Variants in TRIM37 observed in about 807,000 individuals in gnomAD.
TRIM37 encodes the protein E3 ubiquitin-protein ligase TRIM37.
In TRIM37, 80 loss-of-function variants were observed where a neutral mutation model predicts 129.8. The observed-to-expected ratio is 0.62, with a 90% confidence interval of 0.51 to 0.74. TRIM37 has a LOEUF of 0.74. Among genes scored for constraint, TRIM37 ranks in the 30% least tolerant of loss-of-function variants. The pLI, the probability that TRIM37 is intolerant of heterozygous loss-of-function variation, is 0.00. For missense variants in TRIM37, 1,054 were observed against 1,176.5 expected (o/e 0.90, Z 1.52); for synonymous variants, 389 against 387.1 (o/e 1.00, Z -0.06).
rs568847389 is a variant in TRIM37 at position 59,029,300 on chromosome 17, A to G, written c.1949-577T>C. 4.6e-5 allele frequency among the ~76,000 whole-genome samples: 7 copies of G among 152,320 alleles called. No individual in the cohort carries two copies. The South Asian group carries it at 1.2e-3, about 27-fold the overall frequency. ...TTTTTTATTAGAACTTCCATTTCTGATAATTTTCTCAGAACTGTCAGCTTT... is the reference window on the plus strand; with the variant it reads ...TTTTTTATTAGAACTTCCATTTCTGGTAATTTTCTCAGAACTGTCAGCTTT... On this transcript the variant is annotated intron_variant, in intron 18 of 23. Transcript: ENST00000262294.
rs966982221 is a variant in TRIM37 at position 59,106,628 on chromosome 17, C to G, written c.-167G>C. On this transcript the variant is annotated 5_prime_UTR_variant, in exon 1 of 24. Transcript: ENST00000262294. Reference sequence around the variant, plus strand: ...GCGCGCCCCATCTCTTCAGGTCCAGCGCCGCCTACCCCCATTTCGCCATTT... The same window carrying G: ...GCGCGCCCCATCTCTTCAGGTCCAGGGCCGCCTACCCCCATTTCGCCATTT... The G allele has an allele frequency of 1.7e-5, 13 of 764,780 alleles. No individual in the cohort carries two copies. The highest frequency in any genetic ancestry group is 2.2e-5 in the Non-Finnish European group (10 of 460,268). 47.4% of individuals were successfully genotyped at this position (764,780 alleles called of 1,614,324 possible). A position where few individuals can be genotyped will look rare whatever the true frequency, so the allele number is the denominator to read the frequency against.
At chr17:59,072,420 G>A (rs2042448521) in intron 8 of TRIM37, among the ~76,000 whole-genome samples, 1 of 151,980 alleles carries the variant, frequency 6.6e-6, no homozygotes, top group African/African-American at 2.4e-5. Context: ...AGTTGCTTAA[G>A]GCTCACCAAA....
At chr17:59,058,706 A>C (rs1258808211) in intron 12 of TRIM37, among the ~76,000 whole-genome samples, 1 of 151,994 alleles carries the variant, frequency 6.6e-6, no homozygotes, top group African/African-American at 2.4e-5. Context: ...AAAACAAAAA[A>C]CAAAAAAATT....
chr17:59,104,600 A>G (rs1233864287), intron 1 of TRIM37: 1 of 704,970 alleles, frequency 1.4e-6, no homozygotes, highest in Admixed American at 2.0e-5. Flanking sequence ...CGATGATTCT[A>G]TTCTAAGGAA....
chr17:59,097,242 T>C (rs1464778234), intron 2 of TRIM37, among the ~76,000 whole-genome samples: 3 of 152,150 alleles, frequency 2.0e-5, no homozygotes, highest in Non-Finnish European at 4.4e-5. Context: ...GGATGCCAGC[T>C]TTTACCATTT....
chr17:59,105,083 T>G, intron 1 of TRIM37, among the ~76,000 whole-genome samples: 1 of 132,070 alleles, frequency 7.6e-6, no homozygotes, highest in African/African-American at 3.0e-5. Flanking sequence ...CAGAGTGAGA[T>G]TCTGTCTCAA....
downstream of TRIM37, chr17:58,981,028 A>G (rs775146078): frequency 2.5e-6 from 4 of 1,579,566 alleles, no homozygotes; most frequent in South Asian, 1.2e-5. Context: ...ATAAAATAGA[A>G]TAATTTTTCT....
intron 13 of TRIM37, among the ~76,000 whole-genome samples, chr17:59,055,513 T>C (rs1485731490): frequency 6.6e-6 from 1 of 150,748 alleles, no homozygotes. Flanking sequence ...GCTAACACGG[T>C]GGAACCCCAT....
chr17:59,084,351 G>C (rs535347350), intron 4 of TRIM37, among the ~76,000 whole-genome samples: 2 of 152,100 alleles, frequency 1.3e-5, no homozygotes, highest in Non-Finnish European at 2.9e-5. Context: ...AACACATATT[G>C]CATCATTTCC....
intron 24 of TRIM37, chr17:58,982,989 G>GT: frequency 2.2e-6 from 3 of 1,349,210 alleles, no homozygotes; most frequent in Non-Finnish European, 3.1e-6. Context: ...GCTTAGCGAA[G>GT]TAAAAAAAAA....
chr17:58,967,808 T>C, the TRIM37 span, among the ~76,000 whole-genome samples: 4 of 151,670 alleles, frequency 2.6e-5, no homozygotes, highest in Admixed American at 2.6e-4. Flanking sequence ...TATTTCTTTT[T>C]TTTTTTTTTT....
At chr17:59,071,709 C>G (rs1387191111) in intron 8 of TRIM37, among the ~76,000 whole-genome samples, 2 of 151,626 alleles carry the variant, frequency 1.3e-5, no homozygotes, top group South Asian at 2.1e-4. Flanking sequence ...TTGGGAAACA[C>G]TATTTTGGGA....
intron 17 of TRIM37, among the ~76,000 whole-genome samples, chr17:59,040,378 C>A (rs1038999388): frequency 2.0e-5 from 3 of 151,898 alleles, no homozygotes; most frequent in African/African-American, 7.3e-5. Flanking sequence ...AATTTATGCA[C>A]GATTTAGGAC....
downstream of TRIM37, chr17:58,981,094 C>T (rs2031334131): frequency 8.6e-7 from 1 of 1,167,456 alleles, no homozygotes; most frequent in Non-Finnish European, 1.2e-6. Context: ...AGAGTAGAAA[C>T]AAGGTAGACA....
chr17:59,028,319 G>T, intron 19 of TRIM37, 96 bp downstream of exon 19: 1 of 1,177,278 alleles, frequency 8.5e-7, no homozygotes, highest in Non-Finnish European at 1.2e-6. Flanking sequence ...TAACTCACTG[G>T]AAGAGTGGTA....
Position 58,999,181 on chromosome 17 carries a change from C to A in TRIM37, c.*196G>T. 1 of 1,428,892 alleles carries A rather than the reference C, an allele frequency of 7.0e-7. No individual in the cohort carries two copies. Among genetic ancestry groups the A allele is most frequent in the South Asian group, 1.5e-5 (1 of 67,986 alleles). The allele number at this position is 1,428,892 out of a possible 1,614,324, so 88.5% of individuals were successfully genotyped here. On this transcript the variant is annotated 3_prime_UTR_variant, in exon 24 of 24. Coordinates refer to ENST00000262294, the MANE Select transcript of TRIM37 (RefSeq NM_015294.6). ...TACATTACAAAGAACTCTTCCCATA[C>A]TGTTTTTCCCATGTACTACTGCTGT...
rs202184832 is a variant in TRIM37 at position 59,032,547 on chromosome 17, A to G, written c.1754-457T>C. 8.7e-4 allele frequency among the ~76,000 whole-genome samples: 132 copies of G among 151,222 alleles called. 4 individuals are homozygous for G. The highest frequency in any genetic ancestry group is 3.0e-3 in the African/African-American group (124 of 41,366). ...ACTCCGTCTCAAAAAAAAAAAAAAAAAAAAAAGAAAGAAGGAACCAGACAG... is the reference window on the plus strand; with the variant it reads ...ACTCCGTCTCAAAAAAAAAAAAAAAGAAAAAAGAAAGAAGGAACCAGACAG... On this transcript the variant is annotated intron_variant, in intron 17 of 23. Coordinates refer to ENST00000262294, the MANE Select transcript of TRIM37 (RefSeq NM_015294.6).
chr17:59,071,021 C>T (rs1313906675), intron 8 of TRIM37, 74 bp from the exon 9 acceptor site: 21 of 1,544,986 alleles, frequency 1.4e-5, no homozygotes, highest in Non-Finnish European at 1.9e-5. Context: ...TAAGAAATTA[C>T]AAATTATTCT....
intron 4 of TRIM37, among the ~76,000 whole-genome samples, chr17:59,085,679 G>A (rs1380756483): frequency 6.6e-6 from 1 of 152,110 alleles, no homozygotes; most frequent in African/African-American, 2.4e-5. Context: ...ACATGATCTA[G>A]CAATTCTACT....
Sources: gnomAD v4.1 joint callset for allele counts (sites outside exome capture counted in the v4.1 genomes callset) on GRCh38, gnomAD v4.1.1 for gene constraint, MANE v1.5 for transcripts, NCBI Gene and HGNC (gene_info 2026-07-23, HGNC 2026-07-21) for gene names.